The following ORMDL2 variants were observed in gnomAD, a reference collection of about 807,000 sequenced individuals.
ORMDL2 encodes ORM1-like protein 2.
Under a neutral mutation model 13.5 loss-of-function variants are expected in ORMDL2, and 11 were observed. The observed-to-expected ratio is 0.82, with a 90% CI of 0.51 to 1.35. The LOEUF is 1.35. Among genes scored for constraint, ORMDL2 ranks in the 40% most tolerant of loss-of-function variants. ORMDL2 has a pLI of 0.00. For synonymous variants in ORMDL2, 73 were observed against 76.5 expected (o/e 0.95, Z 0.24); for missense variants, 160 against 191.1 (o/e 0.84, Z 0.96).
In ORMDL2 at chr12:55,820,771, A is replaced by C. The variant is rs1208099308; in HGVS notation, c.*376A>C. ...TTTTTTTCAGCTATAGCTGCAGTTT[A>C]ATCAGGATGGGTAGAGAGCTGTCCT... On this transcript the variant is annotated 3_prime_UTR_variant, in exon 4 of 4. Coordinates refer to ENST00000243045, the MANE Select transcript of ORMDL2 (RefSeq NM_014182.5). The C allele has an allele frequency of 1.7e-5, 4 of 235,352 alleles. No individual in the cohort carries two copies. Among genetic ancestry groups the C allele is most frequent in the East Asian group, 2.0e-4 (2 of 10,150 alleles). The allele number at this position is 235,352 out of a possible 1,614,324, so 14.6% of individuals were successfully genotyped here.
At position 55,819,603 on chromosome 12, in the gene ORMDL2, T is replaced by C. The variant is rs1239618531; in HGVS notation, c.326+110T>C. 3 of 928,546 alleles carry C rather than the reference T, an allele frequency of 3.2e-6. No individual in the cohort carries two copies. The African/African-American group carries it at 4.9e-5, about 15-fold the overall frequency. 57.5% of individuals were successfully genotyped at this position (928,546 alleles called of 1,614,324 possible). On this transcript the variant is annotated intron_variant, in intron 3 of 3. Coordinates refer to ENST00000243045, the MANE Select transcript of ORMDL2 (RefSeq NM_014182.5). Reference sequence around the variant, plus strand: ...AAGCAGACTTCTCATCTAAAACCCTTTGAAGATATTATGGTATACTAGTTC... The same window carrying C: ...AAGCAGACTTCTCATCTAAAACCCTCTGAAGATATTATGGTATACTAGTTC...
In ORMDL2 at chr12:55,820,459, AT is replaced by A; in HGVS notation, c.*65del. On this transcript the variant is annotated 3_prime_UTR_variant, in exon 4 of 4. Transcript: ENST00000243045. ...GCACTGAAACAGAGGACTATAAAAC[AT>A]CCTTCTCTTATTCTCCATACTGTCT... 2 of 1,544,082 alleles carry A rather than the reference AT, an allele frequency of 1.3e-6. No homozygotes were observed. The highest frequency in any genetic ancestry group is 1.8e-6 in the Non-Finnish European group (2 of 1,116,360).
chr12:55,820,407 T>G lies in ORMDL2; in HGVS notation c.*12T>G. ...TCAACAAATACTGAGGGATGGGTTT[T>G]GGGACAGCTCCATGGGCATGGGGAA... On this transcript the variant is annotated 3_prime_UTR_variant, in exon 4 of 4. Transcript: ENST00000243045. The G allele has an allele frequency of 6.2e-7, 1 of 1,614,118 alleles. No individual in the cohort carries two copies. Among genetic ancestry groups the G allele is most frequent in the East Asian group, 2.2e-5 (1 of 44,888 alleles).
rs766301474 is a variant in ORMDL2, at chr12:55,819,398, A to G, written c.231A>G (p.Gln77=). Residue 77 remains glutamine (Q), a synonymous_variant, in exon 3 of 4, where the codon CAA becomes CAG. Transcript: ENST00000243045. ...GGACACCCTTTGAGACTCCTGACCA[A>G]GGAAAGGCTCGGCTACTGACACACT... ...VKGTPFETPD[Q]GKARLLTHWE... 1.2e-6 allele frequency: 2 copies of G among 1,614,086 alleles called. No individual in the cohort carries two copies. Among genetic ancestry groups the G allele is most frequent in the Non-Finnish European group, 8.5e-7 (1 of 1,180,000 alleles).
chr12:55,820,490 C>A lies in ORMDL2; in HGVS notation c.*95C>A. Reference sequence around the variant, plus strand: ...CTCTTATTCTCCATACTGTCTTCTACACCTTTAAAGCCTGAGAACTATACA... The same window carrying A: ...CTCTTATTCTCCATACTGTCTTCTAAACCTTTAAAGCCTGAGAACTATACA... On this transcript the variant is annotated 3_prime_UTR_variant, in exon 4 of 4. Coordinates refer to ENST00000243045, the MANE Select transcript of ORMDL2 (RefSeq NM_014182.5). The A allele has an allele frequency of 7.2e-7, 1 of 1,389,994 alleles. No homozygotes were observed. The highest frequency in any genetic ancestry group is 2.3e-5 in the East Asian group (1 of 43,686). The allele number at this position is 1,389,994 out of a possible 1,614,324, so 86.1% of individuals were successfully genotyped here.
At chr12:55,819,292 A>G (rs1880598153) in intron 2 of ORMDL2, 50 bp from the exon 3 acceptor site, 4 of 1,593,380 alleles carry the variant, frequency 2.5e-6, no homozygotes, top group Admixed American at 1.7e-5. Flanking sequence ...TAATTCTTTG[A>G]CTGAAAAACT....
In ORMDL2 at chr12:55,821,378, T is replaced by C. The variant is rs1013060137; in HGVS notation, c.*983T>C. The C allele has an allele frequency of 7.2e-5, 11 of 152,628 alleles. No individual in the cohort carries two copies. Among genetic ancestry groups the C allele is most frequent in the African/African-American group, 2.7e-4 (11 of 41,432 alleles). 9.5% of individuals were successfully genotyped at this position (152,628 alleles called of 1,614,324 possible). On this transcript the variant is annotated 3_prime_UTR_variant, in exon 4 of 4. Transcript: ENST00000243045. ...TGGGTCAAGAAAGAAGATAGACTTG[T>C]AGCTTTAAAAGGGTGGGAAAAAGTG...
chr12:55,821,528 A>AC lies in ORMDL2; in HGVS notation c.*1138dup, dbSNP rs943395770. 2 of 153,818 alleles carry AC rather than the reference A, an allele frequency of 1.3e-5. No homozygotes were observed. The highest frequency in any genetic ancestry group is 1.3e-4 in the Admixed American group (2 of 15,330). 9.5% of individuals were successfully genotyped at this position (153,818 alleles called of 1,614,324 possible). ...AGGCCCTAGGTTCTTTACTCTAGCT[A>AC]CCCCCTATTTCTTTGGTATTGTCAA... On this transcript the variant is annotated 3_prime_UTR_variant, in exon 4 of 4. Coordinates refer to ENST00000243045, the MANE Select transcript of ORMDL2 (RefSeq NM_014182.5).
Position 55,821,156 on chromosome 12 carries a change from TA to T in ORMDL2, c.*766del, listed in dbSNP as rs1052189215. The T allele has an allele frequency of 6.6e-6, 1 of 152,640 alleles. No homozygotes were observed. The highest frequency in any genetic ancestry group is 2.4e-5 in the African/African-American group (1 of 41,460). 9.5% of individuals were successfully genotyped at this position (152,640 alleles called of 1,614,324 possible). On this transcript the variant is annotated 3_prime_UTR_variant, in exon 4 of 4. Transcript: ENST00000243045. ...GGGCAGTGGGCATGAATCTACTTTTTAAAAATGATTAATTTTGGCCATCCTT... is the reference window on the plus strand; with the variant it reads ...GGGCAGTGGGCATGAATCTACTTTTTAAAATGATTAATTTTGGCCATCCTT...
In ORMDL2 at chr12:55,819,057, C is replaced by T; in HGVS notation, c.58C>T (p.Arg20Ter). The T allele has an allele frequency of 6.2e-7, 1 of 1,614,000 alleles. No homozygotes were observed. Among genetic ancestry groups the T allele is most frequent in the Non-Finnish European group, 8.5e-7 (1 of 1,179,940 alleles). Reference sequence around the variant, plus strand: ...CCCCAACACCCGAGTGATGAATAGCCGAGGCATCTGGCTGGCCTACATCAT... The same window carrying T: ...CCCCAACACCCGAGTGATGAATAGCTGAGGCATCTGGCTGGCCTACATCAT... ...VNPNTRVMNS[R>*]GIWLAYIILV... Residue 20 changes from arginine to a stop codon, truncating the protein, a stop_gained, in exon 2 of 4, where the codon CGA becomes TGA. Transcript: ENST00000243045. LOFTEE classifies it high-confidence loss of function.
Position 55,820,534 on chromosome 12 carries a change from A to G in ORMDL2, c.*139A>G. ...CTATACAACCTTTCCCAGACTCCCA[A>G]GAAGAGAAGAGATTGGCAAATGGGG... On this transcript the variant is annotated 3_prime_UTR_variant, in exon 4 of 4. Coordinates refer to ENST00000243045, the MANE Select transcript of ORMDL2 (RefSeq NM_014182.5). 2.0e-6 allele frequency: 2 copies of G among 1,018,134 alleles called. No individual in the cohort carries two copies. The highest frequency in any genetic ancestry group is 3.0e-6 in the Non-Finnish European group (2 of 671,380). 63.1% of individuals were successfully genotyped at this position (1,018,134 alleles called of 1,614,324 possible).
chr12:55,818,925 C>G, intron 1 of ORMDL2, 74 bp from the exon 2 acceptor site: 1 of 1,313,262 alleles, frequency 7.6e-7, no homozygotes, highest in Non-Finnish European at 1.1e-6. Context: ...ATCTGAGAGA[C>G]AACTGGGAGA....
rs779702147 is a variant in ORMDL2, at chr12:55,819,128, C to A, written c.129C>A (p.Phe43Leu). 6.2e-6 allele frequency: 10 copies of A among 1,614,096 alleles called. No homozygotes were observed. The highest frequency in any genetic ancestry group is 8.5e-6 in the Non-Finnish European group (10 of 1,180,048). The change falls in exon 2 of 4, where the codon TTC becomes TTA. Residue 43 changes from phenylalanine to leucine, a missense_variant. Coordinates refer to ENST00000243045, the MANE Select transcript of ORMDL2 (RefSeq NM_014182.5). ...TGGTTCTACTCAGCATCCCCTTCTT[C>A]AGCATTCCTGTTGTCTGGACCCTGA... ...LHMVLLSIPF[F>L]SIPVVWTLTN...
In ORMDL2 at chr12:55,820,441, A is replaced by C; in HGVS notation, c.*46A>C. The C allele has an allele frequency of 6.2e-7, 1 of 1,600,784 alleles. No homozygotes were observed. Among genetic ancestry groups the C allele is most frequent in the Non-Finnish European group, 8.6e-7 (1 of 1,167,840 alleles). On this transcript the variant is annotated 3_prime_UTR_variant, in exon 4 of 4. Transcript: ENST00000243045. ...TCCATGGGCATGGGGAAGGCACTGAAACAGAGGACTATAAAACATCCTTCT... is the reference window on the plus strand; with the variant it reads ...TCCATGGGCATGGGGAAGGCACTGACACAGAGGACTATAAAACATCCTTCT...
Position 55,819,173 on chromosome 12 carries a change from G to T in ORMDL2, c.174G>T (p.Leu58=), listed in dbSNP as rs776864290. ...VWTLTNVIHN[L]ATYVFLHTVK... ...CCCTGACCAACGTCATCCATAACCT[G>T]GTGAGCACTAAACCACGCCCTTGTA... The change falls in exon 2 of 4, where the codon CTG becomes CTT. Residue 58 remains leucine, a splice_region_variant and synonymous_variant. Transcript: ENST00000243045. 5.6e-6 allele frequency: 9 copies of T among 1,613,358 alleles called. No individual in the cohort carries two copies. The Admixed American group carries it at 1.5e-4, about 27-fold the overall frequency.
chr12:55,818,422 A>G (rs961502087), intron 1 of ORMDL2: 1 of 256,128 alleles, frequency 3.9e-6, no homozygotes, highest in Non-Finnish European at 7.8e-6. Context: ...CTTTCGAGGT[A>G]TTGAGCTCAG....
In ORMDL2 at chr12:55,820,356, G is replaced by T. The variant is rs201312723; in HGVS notation, c.423G>T (p.Gln141His). 1 of 1,614,188 alleles carries T rather than the reference G, an allele frequency of 6.2e-7. No homozygotes were observed. The highest frequency in any genetic ancestry group is 8.5e-7 in the Non-Finnish European group (1 of 1,180,044). The change falls in exon 4 of 4, where the codon CAG becomes CAT. Residue 141 changes from glutamine to histidine, a missense_variant. By Grantham distance (24) the Gln-to-His change is conservative (BLOSUM62 0). Coordinates refer to ENST00000243045, the MANE Select transcript of ORMDL2 (RefSeq NM_014182.5). The stretch of plus-strand genomic sequence containing the variant: ...GTGTACTGCTGCCGAAGTTGCCCCA[G>T]TTCCATGGGGTTCGTGTCTTTGGCA... ...LLSVLLPKLP[Q>H]FHGVRVFGIN...
At chr12:55,818,882 T>G in intron 1 of ORMDL2, 117 bp from the exon 2 acceptor site, 2 of 841,610 alleles carry the variant, frequency 2.4e-6, no homozygotes, top group Non-Finnish European at 3.7e-6. Context: ...GGGTAAGTTC[T>G]TCATTCCCAA....
rs1313616583 is a variant in ORMDL2, at chr12:55,821,858, AAAAT to A, written c.*1467_*1470del. Reference sequence around the variant, plus strand: ...GCAACAGAGCAAGACTCCATCTCAAAAAATAAAAAGAAAAAGATTCAGTTCCTAG... The same window carrying A: ...GCAACAGAGCAAGACTCCATCTCAAAAAAAAGAAAAAGATTCAGTTCCTAG... On this transcript the variant is annotated 3_prime_UTR_variant, in exon 4 of 4. Coordinates refer to ENST00000243045, the MANE Select transcript of ORMDL2 (RefSeq NM_014182.5). 8.3e-7 allele frequency: 1 copy of A among 1,202,250 alleles called. No individual in the cohort carries two copies. Among genetic ancestry groups the A allele is most frequent in the East Asian group, 2.5e-5 (1 of 40,322 alleles). The allele number at this position is 1,202,250 out of a possible 1,614,324, so 74.5% of individuals were successfully genotyped here.
Sources: allele counts gnomAD v4.1 joint callset, GRCh38; gene constraint gnomAD v4.1.1; transcripts MANE v1.5; gene names NCBI Gene and HGNC (gene_info 2026-07-23, HGNC 2026-07-21).